PLEKHA6: variants seen among roughly 807,000 people sequenced by gnomAD.
PLEKHA6 encodes the protein pleckstrin homology domain-containing family A member 6.
A neutral mutation model predicts 116.7 loss-of-function variants in PLEKHA6; 60 were observed. The observed-to-expected ratio is 0.51, with a 90% CI of 0.42 to 0.64. The LOEUF (loss-of-function observed/expected upper bound fraction) is 0.64. Ranked by LOEUF, PLEKHA6 falls within the 30% of genes least tolerant of loss-of-function variation. The probability of loss-of-function intolerance (pLI) is 0.00; values close to 1 mark genes in which losing one functional copy is unlikely to be tolerated. For missense variants in PLEKHA6, 1,338 were observed against 1,422.7 expected (o/e 0.94, Z 0.96); for synonymous variants, 489 against 556.1 (o/e 0.88, Z 1.70).
intron 1 of PLEKHA6, among the ~76,000 whole-genome samples, chr1:204,294,595 A>G (rs1332726236): frequency 1.3e-5 from 2 of 152,142 alleles, no homozygotes; most frequent in Non-Finnish European, 1.5e-5. Flanking sequence ...CTACCAGCTA[A>G]TCCTTTCGTT....
chr1:204,229,178 C>T (rs969552067), intron 18 of PLEKHA6, 74 bp from the exon 19 acceptor site: 40 of 1,455,882 alleles, frequency 2.7e-5, no homozygotes, highest in African/African-American at 1.5e-4. Context: ...GCCCTGTCCT[C>T]GCTTTCCCTT....
rs151293148 is a variant in PLEKHA6 at position 204,241,453 on chromosome 1, C to A, written c.2331G>T (p.Ser777=). 10 of 1,607,464 alleles carry A rather than the reference C, an allele frequency of 6.2e-6. No individual in the cohort carries two copies. Among genetic ancestry groups the A allele is most frequent in the South Asian group, 1.1e-5 (1 of 89,952 alleles). ...KVGVVPPRTK[S]PTDDEVTPSA... ...ATGGGGTCACCTCATCATCAGTGGG[C>A]GATTTTGTCCGAGGGGGCACAACGC... The change falls in exon 17 of 23, where the codon TCG becomes TCT. Residue 777 remains serine, a synonymous_variant. Transcript: ENST00000272203.
intron 3 of PLEKHA6, among the ~76,000 whole-genome samples, chr1:204,268,766 G>A (rs756568270): frequency 6.6e-6 from 1 of 151,982 alleles, no homozygotes; most frequent in Non-Finnish European, 1.5e-5. Context: ...GAGGAGAGAC[G>A]GGTGTTCTCC....
At chr1:204,282,507 C>T (rs1668733260) in intron 1 of PLEKHA6, 1 of 372,630 alleles carries the variant, frequency 2.7e-6, no homozygotes, top group Admixed American at 6.4e-5. Context: ...GAGACCTCCT[C>T]ACATCTCCAT....
At chr1:204,265,410 C>T (rs1220707453) in intron 5 of PLEKHA6, among the ~76,000 whole-genome samples, 1 of 152,212 alleles carries the variant, frequency 6.6e-6, no homozygotes, top group Non-Finnish European at 1.5e-5. Flanking sequence ...GGATTTAATC[C>T]TCCCAACAAA....
At chr1:204,310,224 G>A (rs182006845) in intron 1 of PLEKHA6, among the ~76,000 whole-genome samples, 5 of 152,148 alleles carry the variant, frequency 3.3e-5, no homozygotes, top group East Asian at 3.9e-4. Flanking sequence ...GAGATAGATC[G>A]AGAGAGAGAC....
chr1:204,324,704 G>A (rs1399841874), intron 1 of PLEKHA6, among the ~76,000 whole-genome samples: 2 of 152,170 alleles, frequency 1.3e-5, no homozygotes, highest in Non-Finnish European at 2.9e-5. Flanking sequence ...ATTGGAAGTC[G>A]ATTAGGATCC....
chr1:204,273,518 G>T, intron 3 of PLEKHA6, 108 bp downstream of exon 3: 1 of 797,762 alleles, frequency 1.3e-6, no homozygotes, highest in Non-Finnish European at 2.2e-6. Flanking sequence ...CTTGGAGCCT[G>T]CAGAAATAGC....
chr1:204,366,627 G>A (rs564231239), intron 3 of PLEKHA6, among the ~76,000 whole-genome samples: 2 of 152,224 alleles, frequency 1.3e-5, no homozygotes, highest in South Asian at 4.2e-4. Flanking sequence ...CAGGCATGGT[G>A]GTGGGCACCT....
intron 7 of PLEKHA6, among the ~76,000 whole-genome samples, chr1:204,260,246 A>G (rs144769014): frequency 5.3e-4 from 80 of 152,340 alleles, no homozygotes; most frequent in African/African-American, 1.8e-3. Flanking sequence ...CATCAGCAGA[A>G]TGGGCATAAT....
At chr1:204,248,783 G>A (rs769540540) in intron 12 of PLEKHA6, 38 bp downstream of exon 12, 7 of 1,601,030 alleles carry the variant, frequency 4.4e-6, no homozygotes, top group East Asian at 2.2e-5. Flanking sequence ...GCCTAGTGCT[G>A]ATGAGGTGGG....
intron 1 of PLEKHA6, among the ~76,000 whole-genome samples, chr1:204,306,533 C>T (rs773885597): frequency 6.6e-6 from 1 of 152,248 alleles, no homozygotes; most frequent in Non-Finnish European, 1.5e-5. Context: ...AGTGCTCCTG[C>T]CACTTGCCCC....
chr1:204,363,047 AGT>A (rs1673590989), upstream of PLEKHA6, among the ~76,000 whole-genome samples: 1 of 152,190 alleles, frequency 6.6e-6, no homozygotes, highest in Non-Finnish European at 1.5e-5. Context: ...GCCTAGAGCT[AGT>A]GGGGTCACTG....
intron 1 of PLEKHA6, chr1:204,309,094 T>G (rs1405773650): frequency 1.0e-6 from 1 of 971,186 alleles, no homozygotes; most frequent in African/African-American, 1.8e-5. Context: ...CATCCATAGT[T>G]TACTTTGTAC....
At chr1:204,276,653 C>CAT (rs1441635638) in intron 1 of PLEKHA6, among the ~76,000 whole-genome samples, 1 of 151,096 alleles carries the variant, frequency 6.6e-6, no homozygotes, top group African/African-American at 2.4e-5. Flanking sequence ...CACACACACA[C>CAT]ACACACACAC....
intron 18 of PLEKHA6, among the ~76,000 whole-genome samples, chr1:204,230,157 G>T (rs140697812): frequency 3.4e-4 from 52 of 152,358 alleles, no homozygotes; most frequent in Admixed American, 1.2e-3. Flanking sequence ...AGTGAATTTT[G>T]TATAATTCAT....
intron 15 of PLEKHA6, among the ~76,000 whole-genome samples, chr1:204,242,277 C>T (rs962345940): frequency 1.3e-5 from 2 of 152,156 alleles, no homozygotes; most frequent in African/African-American, 2.4e-5. Flanking sequence ...CTAGAAGAGA[C>T]CTCAGCCATC....
At chr1:204,312,761 C>T (rs1242897962) in intron 1 of PLEKHA6, among the ~76,000 whole-genome samples, 3 of 152,178 alleles carry the variant, frequency 2.0e-5, no homozygotes, top group East Asian at 3.9e-4. Context: ...AGCCACTTCC[C>T]GAGTCATCAG....
Position 204,223,571 on chromosome 1 carries a change from G to GGGT in PLEKHA6, c.3043_3045dup (p.Thr1015dup). 6.6e-7 allele frequency: 1 copy of GGGT among 1,507,630 alleles called. No homozygotes were observed. Among genetic ancestry groups the GGGT allele is most frequent in the Non-Finnish European group, 9.0e-7 (1 of 1,110,072 alleles). The allele number at this position is 1,507,630 out of a possible 1,614,324, so 93.4% of individuals were successfully genotyped here. A position where few individuals can be genotyped will look rare whatever the true frequency, so the allele number is the denominator to read the frequency against. ...GAAGCAGGGGAGGTGGGAGGGCTTGGGGTGGCACATTGCACTGGAAACAGA... is the reference window on the plus strand; with the variant it reads ...GAAGCAGGGGAGGTGGGAGGGCTTGGGGTGGTGGCACATTGCACTGGAAACAGA... On this transcript the variant is annotated inframe_insertion, in exon 22 of 23. Coordinates refer to ENST00000272203, the MANE Select transcript of PLEKHA6 (RefSeq NM_014935.5). The surrounding 1 kb of genome is among the most constrained non-coding windows in gnomAD (Gnocchi z 4.8).
Sources: gnomAD v4.1 joint callset for allele counts (sites outside exome capture counted in the v4.1 genomes callset) on GRCh38, gnomAD v4.1.1 for gene constraint, Gnocchi (gnomAD v3.1) non-coding constraint, MANE v1.5 for transcripts, NCBI Gene and HGNC (gene_info 2026-07-23, HGNC 2026-07-21) for gene names.